PCDH15: variants seen among roughly 807,000 people sequenced by gnomAD.
PCDH15 encodes the protein protocadherin related 15.
Under a neutral mutation model 178.5 loss-of-function variants are expected in PCDH15, and 129 were observed. That is an observed-to-expected ratio of 0.72 (90% CI 0.63 to 0.84). The LOEUF (loss-of-function observed/expected upper bound fraction) is 0.84. Ranked by LOEUF, PCDH15 falls within the 40% of genes least tolerant of loss-of-function variation. PCDH15 has a pLI of 0.00. For synonymous variants in PCDH15, 800 were observed against 732.0 expected, an observed-to-expected ratio of 1.09 and a Z score of -1.50; for missense variants, 2,230 against 2,099.9, an observed-to-expected ratio of 1.06 and a Z score of -1.21.
intron 11 of PCDH15, among the ~76,000 whole-genome samples, chr10:54,195,144 C>T (rs1179931328): frequency 1.3e-5 from 2 of 152,140 alleles, no homozygotes; most frequent in African/African-American, 4.8e-5. Context: ...TGGACCATTT[C>T]CCACTCATGT....
chr10:53,927,556 G>A (rs978601292), intron 25 of PCDH15, among the ~76,000 whole-genome samples: 5 of 151,948 alleles, frequency 3.3e-5, no homozygotes, highest in Non-Finnish European at 5.9e-5. Context: ...TTATATAAAC[G>A]ATAAATATCA....
intron 3 of PCDH15, among the ~76,000 whole-genome samples, chr10:54,488,834 A>C (rs1162276201): frequency 1.3e-5 from 2 of 151,984 alleles, no homozygotes. Flanking sequence ...GAATCTCAAA[A>C]AATGTAGTAG....
intron 2 of PCDH15, among the ~76,000 whole-genome samples, chr10:55,138,416 ATAGAG>A (rs1223970347): frequency 6.6e-6 from 1 of 152,048 alleles, no homozygotes; most frequent in Non-Finnish European, 1.5e-5. Context: ...TGCAACTCTA[ATAGAG>A]TATTCTTGAA....
intron 8 of PCDH15, among the ~76,000 whole-genome samples, chr10:54,245,556 G>A (rs1256167260): frequency 1.3e-5 from 2 of 152,064 alleles, no homozygotes; most frequent in Non-Finnish European, 2.9e-5. Flanking sequence ...AAAAGTGAAT[G>A]TATGAGAAAA....
intron 2 of PCDH15, among the ~76,000 whole-genome samples, chr10:55,470,664 T>G (rs1839937207): frequency 6.6e-6 from 1 of 152,168 alleles, no homozygotes; most frequent in Non-Finnish European, 1.5e-5. Flanking sequence ...ACACGTCAAA[T>G]GCACCCAACG....
intron 3 of PCDH15, among the ~76,000 whole-genome samples, chr10:54,875,138 C>T (rs1954116192): frequency 6.6e-6 from 1 of 152,120 alleles, no homozygotes; most frequent in Non-Finnish European, 1.5e-5. Context: ...GTCATTGTGT[C>T]ACACTGTGGT....
intron 2 of PCDH15, among the ~76,000 whole-genome samples, chr10:55,504,465 G>A (rs1840720512): frequency 6.6e-6 from 1 of 151,262 alleles, no homozygotes; most frequent in African/African-American, 2.4e-5. Context: ...TTGGTAAAGT[G>A]TTTAAAATAA....
At chr10:53,883,818 C>T (rs1210683803) in intron 26 of PCDH15, among the ~76,000 whole-genome samples, 13 of 152,160 alleles carry the variant, frequency 8.5e-5, no homozygotes, top group Admixed American at 7.2e-4. Flanking sequence ...CAGGTTCAAG[C>T]GATTCTCCTG....
chr10:54,888,461 G>T (rs937579921), intron 3 of PCDH15, among the ~76,000 whole-genome samples: 1 of 151,576 alleles, frequency 6.6e-6, no homozygotes, highest in African/African-American at 2.4e-5. Context: ...GGACATTTTG[G>T]TTTTATTATT....
chr10:54,842,312 A>T (rs1953433606), intron 3 of PCDH15, among the ~76,000 whole-genome samples: 1 of 151,784 alleles, frequency 6.6e-6, no homozygotes, highest in Admixed American at 6.6e-5. Flanking sequence ...ATTAACTATT[A>T]GCACCCTTTC....
chr10:55,109,646 T>C (rs1270115224), intron 2 of PCDH15, among the ~76,000 whole-genome samples: 2 of 152,176 alleles, frequency 1.3e-5, no homozygotes, highest in Admixed American at 6.5e-5. Context: ...AAAATTATTT[T>C]CATTGTCTAA....
chr10:55,472,652 T>G lies in PCDH15; in HGVS notation c.-156+154973A>C, dbSNP rs553480551. Among the ~76,000 whole-genome samples, 3 of 152,314 alleles carry G rather than the reference T, an allele frequency of 2.0e-5. No individual in the cohort carries two copies. The East Asian group carries it at 5.8e-4, about 29-fold the overall frequency. On this transcript the variant is annotated intron_variant, in intron 2 of 5. Transcript: ENST00000613346. ...GGCGCGGTCTGCGCTAACTGCAAGC[T>G]CCACCTACCGGGTTCACGCCATTCT...
intron 21 of PCDH15, among the ~76,000 whole-genome samples, chr10:53,964,130 G>A (rs1283787290): frequency 6.6e-6 from 1 of 151,916 alleles, no homozygotes; most frequent in Non-Finnish European, 1.5e-5. Context: ...TCAGATTTTT[G>A]GCTAATAAAT....
chr10:54,242,186 A>T (rs1467219863), intron 8 of PCDH15, among the ~76,000 whole-genome samples: 3 of 107,468 alleles, frequency 2.8e-5, no homozygotes, highest in African/African-American at 1.3e-4. Context: ...ATATATATAT[A>T]TACACACACA....
chr10:54,900,202 C>A (rs1954617050), intron 2 of PCDH15, among the ~76,000 whole-genome samples: 1 of 152,132 alleles, frequency 6.6e-6, no homozygotes. Context: ...TTTTAAAAGT[C>A]TTTTACTTCG....
chr10:53,814,962 CAAAAAAA>C (rs34460612), intron 35 of PCDH15, among the ~76,000 whole-genome samples: 1 of 87,850 alleles, frequency 1.1e-5, no homozygotes, highest in African/African-American at 3.6e-5. Flanking sequence ...GAATCTGTCT[CAAAAAAA>C]AAAAAAAAAA....
chr10:54,744,972 GC>G (rs996381319), intron 1 of PCDH15, among the ~76,000 whole-genome samples: 3 of 151,696 alleles, frequency 2.0e-5, no homozygotes, highest in Non-Finnish European at 2.9e-5. Context: ...AATTGCAAAG[GC>G]CCCCCACCAG....
At chr10:54,703,798 C>G (rs924173815) in intron 1 of PCDH15, among the ~76,000 whole-genome samples, 18 of 151,588 alleles carry the variant, frequency 1.2e-4, no homozygotes, top group Non-Finnish European at 4.4e-5. Flanking sequence ...TGCAATACTT[C>G]CCAAAGCAAT....
chr10:53,900,036 C>T (rs1393264990), intron 26 of PCDH15, among the ~76,000 whole-genome samples: 1 of 152,084 alleles, frequency 6.6e-6, no homozygotes, highest in African/African-American at 2.4e-5. Flanking sequence ...AAAATCTAAC[C>T]ACCCTTCAGT....
Sources: allele counts gnomAD v4.1 joint callset (sites outside exome capture counted in the v4.1 genomes callset), GRCh38; gene constraint gnomAD v4.1.1; transcripts MANE v1.5; gene names NCBI Gene and HGNC (gene_info 2026-07-23, HGNC 2026-07-21).